The following CHD6 variants were observed in gnomAD, a reference collection of about 807,000 sequenced individuals.
CHD6 encodes ATP-dependent chromatin remodeler CHD6.
Under a neutral mutation model 276.9 loss-of-function variants are expected in CHD6, and 50 were observed. The observed-to-expected ratio is 0.18, with a 90% CI of 0.14 to 0.23. The LOEUF (loss-of-function observed/expected upper bound fraction) is 0.23, where lower values mean the gene tolerates loss of function less well. Ranked by LOEUF, CHD6 falls within the 10% of genes least tolerant of loss-of-function variation. The probability of loss-of-function intolerance (pLI) is 1.00; values close to 1 mark genes in which losing one functional copy is unlikely to be tolerated. For synonymous variants in CHD6, 1,173 were observed against 1,229.3 expected (o/e 0.95, Z 0.96); for missense variants, 2,564 against 3,365.8 (o/e 0.76, Z 5.89).
chr20:41,472,846 T>C (rs545894312), intron 17 of CHD6, among the ~76,000 whole-genome samples: 1 of 152,372 alleles, frequency 6.6e-6, no homozygotes, highest in East Asian at 1.9e-4. Flanking sequence ...TCTAATGTGT[T>C]GCACTGTGTG....
intron 1 of CHD6, among the ~76,000 whole-genome samples, chr20:41,610,013 T>C (rs911746041): frequency 6.6e-6 from 1 of 151,974 alleles, no homozygotes; most frequent in Non-Finnish European, 1.5e-5. Flanking sequence ...TCTGCCACCA[T>C]GCTTGGCTAA....
chr20:41,588,192 C>G (rs1040973443), intron 1 of CHD6, among the ~76,000 whole-genome samples: 15 of 152,100 alleles, frequency 9.9e-5, no homozygotes, highest in African/African-American at 3.4e-4. Context: ...CTGGATCCAG[C>G]AGGATAAATG....
chr20:41,440,580 T>C (rs1361972773), intron 25 of CHD6, among the ~76,000 whole-genome samples: 3 of 152,218 alleles, frequency 2.0e-5, no homozygotes, highest in African/African-American at 7.2e-5. Context: ...TGATTGTTTA[T>C]TGCATTAAGA....
At chr20:41,520,720 A>G (rs112312746) in intron 3 of CHD6, among the ~76,000 whole-genome samples, 7,450 of 151,708 alleles carry the variant, frequency 0.049, 649 homozygotes, top group African/African-American at 0.17. Flanking sequence ...AACTAATGTT[A>G]AATGACAAGT....
intron 11 of CHD6, 89 bp downstream of exon 11, chr20:41,491,609 C>T: frequency 6.8e-7 from 1 of 1,474,386 alleles, no homozygotes; most frequent in Non-Finnish European, 9.4e-7. Context: ...CTCCCTCTCA[C>T]CAGTCTGCTA....
chr20:41,461,438 A>G (rs2048544892), intron 17 of CHD6, among the ~76,000 whole-genome samples: 1 of 152,192 alleles, frequency 6.6e-6, no homozygotes, highest in South Asian at 2.1e-4. Flanking sequence ...GAGGTAACTG[A>G]ATCATGGGGG....
intron 27 of CHD6, among the ~76,000 whole-genome samples, chr20:41,436,859 G>A (rs538869300): frequency 6.6e-6 from 1 of 152,288 alleles, no homozygotes; most frequent in East Asian, 1.9e-4. Context: ...ATTTAAAGAG[G>A]GGTGAAGGCA....
intron 2 of CHD6, 56 bp from the exon 3 acceptor site, chr20:41,533,626 G>C (rs1266187489): frequency 6.9e-7 from 1 of 1,455,472 alleles, no homozygotes; most frequent in African/African-American, 1.4e-5. Flanking sequence ...TTCAGACAAA[G>C]AGAGTTACCC....
chr20:41,494,896 T>C (rs2043644717), intron 8 of CHD6, among the ~76,000 whole-genome samples: 2 of 152,340 alleles, frequency 1.3e-5, no homozygotes, highest in South Asian at 4.1e-4. Flanking sequence ...AGGAGTAGCA[T>C]CATGATCTTT....
chr20:41,417,877 G>A (rs1361607768), intron 31 of CHD6, among the ~76,000 whole-genome samples: 1 of 152,204 alleles, frequency 6.6e-6, no homozygotes, highest in African/African-American at 2.4e-5. Flanking sequence ...CTTCACTCAT[G>A]GAAAGAAATG....
intron 1 of CHD6, among the ~76,000 whole-genome samples, chr20:41,608,180 T>G (rs374762928): frequency 1.1e-3 from 164 of 152,330 alleles, no homozygotes; most frequent in African/African-American, 3.8e-3. Context: ...ATGCACATTA[T>G]TTAAAATAAA....
chr20:41,551,628 A>C (rs578056818), intron 1 of CHD6, among the ~76,000 whole-genome samples: 73 of 152,354 alleles, frequency 4.8e-4, no homozygotes, highest in Non-Finnish European at 9.3e-4. Flanking sequence ...GGCATGTATG[A>C]AAGTTAGTGG....
chr20:41,420,498 C>T lies in CHD6; in HGVS notation c.6127+10G>A, dbSNP rs201868094. 1.8e-5 allele frequency: 28 copies of T among 1,596,748 alleles called. No individual in the cohort carries two copies. The African/African-American group carries it at 3.0e-4, about 17-fold the overall frequency. On this transcript the variant is annotated intron_variant, in intron 31 of 36. Transcript: ENST00000373233. ...TTATCCAAAATGCCACAAGATCCTA[C>T]ATACTGTACCTTGACTATGGCAGTT...
At chr20:41,465,583 A>T (rs1386833098) in intron 17 of CHD6, among the ~76,000 whole-genome samples, 1 of 152,178 alleles carries the variant, frequency 6.6e-6, no homozygotes, top group Non-Finnish European at 1.5e-5. Context: ...CCAGAAAAAA[A>T]ATATTTCTAG....
chr20:41,525,048 C>T (rs1196299546), intron 3 of CHD6, among the ~76,000 whole-genome samples: 1 of 152,146 alleles, frequency 6.6e-6, no homozygotes, highest in Non-Finnish European at 1.5e-5. Flanking sequence ...GCTGGTAATA[C>T]AGGTGCCTGG....
At chr20:41,538,441 C>G (rs2146098752) in intron 2 of CHD6, among the ~76,000 whole-genome samples, 1 of 152,308 alleles carries the variant, frequency 6.6e-6, no homozygotes, top group African/African-American at 2.4e-5. Context: ...TAAATGAAAT[C>G]AGCCAGACAC....
chr20:41,494,594 T>C (rs2043635904), intron 8 of CHD6, among the ~76,000 whole-genome samples: 1 of 152,206 alleles, frequency 6.6e-6, no homozygotes, highest in Non-Finnish European at 1.5e-5. Context: ...ATTAGGAAAC[T>C]GACTCAGAGA....
intron 5 of CHD6, among the ~76,000 whole-genome samples, chr20:41,503,029 G>GCAAAA (rs1241359820): frequency 1.3e-5 from 2 of 152,026 alleles, no homozygotes; most frequent in African/African-American, 2.4e-5. Flanking sequence ...ACAAAGCAAA[G>GCAAAA]CAAAACAAAA....
chr20:41,420,394 G>A (rs1205627186), intron 31 of CHD6, 114 bp downstream of exon 31: 2 of 1,146,504 alleles, frequency 1.7e-6, no homozygotes, highest in South Asian at 3.0e-5. Flanking sequence ...GTGAGGGTAG[G>A]CAGGTCTGTT....
Sources: allele counts gnomAD v4.1 joint callset (sites outside exome capture counted in the v4.1 genomes callset), GRCh38; gene constraint gnomAD v4.1.1; transcripts MANE v1.5; gene names NCBI Gene and HGNC (gene_info 2026-07-23, HGNC 2026-07-21).